The following GPSM2 variants were observed in gnomAD, a reference collection of about 807,000 sequenced individuals.
GPSM2 encodes G protein signaling modulator 2.
In GPSM2, 58 loss-of-function variants were observed where a neutral mutation model predicts 78.4. That is an observed-to-expected ratio of 0.74 (90% CI 0.60 to 0.92). The LOEUF (loss-of-function observed/expected upper bound fraction) is 0.92. GPSM2 is among the 40% of genes least tolerant of loss of function. GPSM2 has a pLI of 0.00. For missense variants in GPSM2, 700 were observed against 815.5 expected, an observed-to-expected ratio of 0.86 and a Z score of 1.73; for synonymous variants, 224 against 280.2, an observed-to-expected ratio of 0.80 and a Z score of 2.00.
intron 11 of GPSM2, among the ~76,000 whole-genome samples, chr1:108,914,974 G>T (rs991877383): frequency 6.6e-6 from 1 of 152,106 alleles, no homozygotes; most frequent in Admixed American, 6.6e-5. Flanking sequence ...CAGGAGAGGG[G>T]TGCACAGTAA....
chr1:108,895,784 A>G (rs1042936036), intron 2 of GPSM2, among the ~76,000 whole-genome samples: 11 of 152,258 alleles, frequency 7.2e-5, no homozygotes, highest in Admixed American at 5.2e-4. Flanking sequence ...ATGCACTTGA[A>G]TCATCCCAAA....
rs1651654222 is a variant in GPSM2, at chr1:108,930,003, C to T, written c.*63C>T. The T allele has an allele frequency of 1.4e-6, 2 of 1,465,582 alleles. No homozygotes were observed. Among genetic ancestry groups the T allele is most frequent in the Non-Finnish European group, 1.9e-6 (2 of 1,054,474 alleles). 90.8% of individuals were successfully genotyped at this position (1,465,582 alleles called of 1,614,324 possible). A position where few individuals can be genotyped will look rare whatever the true frequency, so the allele number is the denominator to read the frequency against. On this transcript the variant is annotated 3_prime_UTR_variant, in exon 15 of 15. Coordinates refer to ENST00000264126, the MANE Select transcript of GPSM2 (RefSeq NM_013296.5). The stretch of plus-strand genomic sequence containing the variant: ...AAGGAAACAATCTATTACTTTTTTC[C>T]TTAAAAGGAGAATTTATAGCACTGT...
intron 2 of GPSM2, among the ~76,000 whole-genome samples, chr1:108,895,128 T>TA (rs1357841791): frequency 4.6e-5 from 7 of 152,120 alleles, no homozygotes; most frequent in Non-Finnish European, 8.8e-5. Context: ...CCTGGGGCTT[T>TA]AAAAAAATAC....
Position 108,904,047 on chromosome 1 carries a change from G to T in GPSM2, c.1063-78G>T, listed in dbSNP as rs1248648483. 7.6e-5 allele frequency: 72 copies of T among 949,994 alleles called. 1 individual carries two copies. The Admixed American group carries it at 1.2e-3, about 16-fold the overall frequency. The allele number at this position is 949,994 out of a possible 1,614,324, so 58.8% of individuals were successfully genotyped here. On this transcript the variant is annotated intron_variant, in intron 9 of 14. Transcript: ENST00000264126. ...TCTCTATATTTTCTTCTAGTTTTAG[G>T]TTCACTACATTTACAAATAATCTTC...
rs1651936622 is a variant in GPSM2 at position 108,931,380 on chromosome 1, G to A, written c.*1440G>A. 6.4e-7 allele frequency: 1 copy of A among 1,551,138 alleles called. No individual in the cohort carries two copies. The highest frequency in any genetic ancestry group is 8.7e-7 in the Non-Finnish European group (1 of 1,147,118). ...ACTAACTGTAGCAAAAGACAAGTAT[G>A]GGACAGACTGGGACCTGGAGTAACA... On this transcript the variant is annotated 3_prime_UTR_variant, in exon 15 of 15. Coordinates refer to ENST00000264126, the MANE Select transcript of GPSM2 (RefSeq NM_013296.5).
Position 108,891,887 on chromosome 1 carries a change from T to C in GPSM2, c.57-4977T>C, listed in dbSNP as rs576150590. ...AATTACCATACAAATTTTTGTTTTTTAATCATTTTCTTCCTTCTTATTCTA... is the reference window on the plus strand; with the variant it reads ...AATTACCATACAAATTTTTGTTTTTCAATCATTTTCTTCCTTCTTATTCTA... On this transcript the variant is annotated intron_variant, in intron 2 of 14. Transcript: ENST00000264126. Among the ~76,000 whole-genome samples the C allele has an allele frequency of 3.3e-5, 5 of 152,316 alleles. No homozygotes were observed. In the East Asian group the frequency reaches 9.6e-4, roughly 29 times the overall value.
rs1258789169 is a variant in GPSM2, at chr1:108,897,550, A to G, written c.337A>G (p.Lys113Glu). The change falls in exon 4 of 15, where the codon AAA (lysine) becomes GAA (glutamate). Residue 113 changes from lysine to glutamate, a missense_variant. Physicochemically the swap from Lys to Glu is moderately conservative, Grantham distance 56. Coordinates refer to ENST00000264126, the MANE Select transcript of GPSM2 (RefSeq NM_013296.5). ...KASGNLGNTL[K>E]VLGNFDEAIV... ...TAGTGGTAATCTGGGAAACACCTTA[A>G]AAGTTCTTGGGAATTTTGACGAAGC... is the stretch of plus-strand genomic sequence containing the variant. 1.2e-6 allele frequency: 2 copies of G among 1,613,588 alleles called. No individual in the cohort carries two copies. The highest frequency in any genetic ancestry group is 1.7e-6 in the Non-Finnish European group (2 of 1,179,744).
At position 108,885,260 on chromosome 1, in the gene GPSM2, G is replaced by A. The variant is rs1323611955; in HGVS notation, c.-248-15G>A. ...AATAGGACTTCAAGCAAAGCATCTTGTATTCCTTTTGCAGAAATGTTGCTG... is the reference window on the plus strand; with the variant it reads ...AATAGGACTTCAAGCAAAGCATCTTATATTCCTTTTGCAGAAATGTTGCTG... On this transcript the variant is annotated splice_polypyrimidine_tract_variant and intron_variant, in intron 1 of 14. Coordinates refer to ENST00000264126, the MANE Select transcript of GPSM2 (RefSeq NM_013296.5). 8.2e-6 allele frequency: 3 copies of A among 364,944 alleles called. No individual in the cohort carries two copies. Among genetic ancestry groups the A allele is most frequent in the South Asian group, 4.3e-5 (1 of 23,340 alleles). The allele number at this position is 364,944 out of a possible 1,614,324, so 22.6% of individuals were successfully genotyped here.
chr1:108,909,284 G>A (rs1649515875), intron 10 of GPSM2, among the ~76,000 whole-genome samples: 1 of 152,066 alleles, frequency 6.6e-6, no homozygotes, highest in Non-Finnish European at 1.5e-5. Context: ...GAAATATATT[G>A]ACCTAACTGG....
intron 14 of GPSM2, 29 bp downstream of exon 14, chr1:108,924,243 A>C: frequency 3.7e-6 from 5 of 1,362,468 alleles, no homozygotes; most frequent in Non-Finnish European, 5.3e-6. Context: ...TTCGTTCTGC[A>C]TACAGCTCAG....
chr1:108,895,625 G>A (rs1648297228), intron 2 of GPSM2, among the ~76,000 whole-genome samples: 4 of 152,114 alleles, frequency 2.6e-5, no homozygotes. Context: ...CATTCCTTAT[G>A]AGAGTTTAAT....
chr1:108,904,369 A>C, intron 10 of GPSM2, 115 bp downstream of exon 10: 2 of 569,694 alleles, frequency 3.5e-6, no homozygotes, highest in South Asian at 4.3e-5. Context: ...AGTTCAACTT[A>C]TTACACTTTT....
intron 2 of GPSM2, among the ~76,000 whole-genome samples, chr1:108,894,663 A>G (rs1325040904): frequency 6.6e-6 from 1 of 152,008 alleles, no homozygotes; most frequent in Non-Finnish European, 1.5e-5. Flanking sequence ...GTACTGCTGC[A>G]CTCCAGCCTG....
intron 10 of GPSM2, among the ~76,000 whole-genome samples, chr1:108,905,906 G>A (rs1373304347): frequency 6.6e-6 from 1 of 152,148 alleles, no homozygotes; most frequent in African/African-American, 2.4e-5. Flanking sequence ...TTAAAATGTA[G>A]AGAGCCGCAT....
In GPSM2 at chr1:108,897,478, T is replaced by C; in HGVS notation, c.279-14T>C. On this transcript the variant is annotated splice_polypyrimidine_tract_variant and intron_variant, in intron 3 of 14. Coordinates refer to ENST00000264126, the MANE Select transcript of GPSM2 (RefSeq NM_013296.5). The stretch of plus-strand genomic sequence containing the variant: ...CCATTTGGTTTTTTGTTTTTTGTTT[T>C]TTGTTTTTTTCAGGACTATTGGAGA... 1 of 1,599,466 alleles carries C rather than the reference T, an allele frequency of 6.3e-7. No homozygotes were observed. The highest frequency in any genetic ancestry group is 8.5e-7 in the Non-Finnish European group (1 of 1,172,062).
intron 10 of GPSM2, among the ~76,000 whole-genome samples, chr1:108,912,257 C>T (rs893988061): frequency 6.6e-6 from 1 of 152,024 alleles, no homozygotes; most frequent in Non-Finnish European, 1.5e-5. Context: ...CAAAACATTC[C>T]TAAGAATATG....
At chr1:108,914,671 AATG>A (rs1372852974) in intron 11 of GPSM2, among the ~76,000 whole-genome samples, 1 of 152,172 alleles carries the variant, frequency 6.6e-6, no homozygotes, top group African/African-American at 2.4e-5. Flanking sequence ...ACGGGCTAAC[AATG>A]ATTTCTTCTG....
chr1:108,911,731 A>G (rs1158672570), intron 10 of GPSM2, among the ~76,000 whole-genome samples: 1 of 152,030 alleles, frequency 6.6e-6, no homozygotes, highest in Non-Finnish European at 1.5e-5. Flanking sequence ...CTACAATCAT[A>G]ACGGGAAATT....
chr1:108,903,997 T>G (rs1046178392), intron 9 of GPSM2, 128 bp from the exon 10 acceptor site: 68 of 707,482 alleles, frequency 9.6e-5, no homozygotes, highest in Middle Eastern at 4.0e-4. Context: ...CATAGTCTCA[T>G]AATTCTAATA....
Sources: gnomAD v4.1 joint callset for allele counts (sites outside exome capture counted in the v4.1 genomes callset) on GRCh38, gnomAD v4.1.1 for gene constraint, MANE v1.5 for transcripts, NCBI Gene and HGNC (gene_info 2026-07-23, HGNC 2026-07-21) for gene names.